Variants in SUPT3H observed in about 807,000 individuals in gnomAD.
The protein encoded by SUPT3H is SPT3 homolog, SAGA and STAGA complex component.
SUPT3H carries 44 observed loss-of-function variants against 44.3 expected under a neutral mutation model. The observed-to-expected ratio is 0.99, with a 90% CI of 0.78 to 1.28. The LOEUF (loss-of-function observed/expected upper bound fraction) is 1.28, where lower values mean the gene tolerates loss of function less well. SUPT3H is among the 50% of genes most tolerant of loss of function. The pLI is 0.00. For synonymous variants in SUPT3H, 124 were observed against 125.6 expected (o/e 0.99, Z 0.09); for missense variants, 380 against 387.1 (o/e 0.98, Z 0.15).
At chr6:45,022,256 C>T (rs894097948) in intron 3 of SUPT3H, among the ~76,000 whole-genome samples, 2 of 152,044 alleles carry the variant, frequency 1.3e-5, no homozygotes, top group African/African-American at 2.4e-5. Flanking sequence ...ATATGTATCC[C>T]TAAATAGTTT....
At chr6:45,276,122 G>A (rs1776970668) in intron 2 of SUPT3H, among the ~76,000 whole-genome samples, 1 of 151,796 alleles carries the variant, frequency 6.6e-6, no homozygotes, top group South Asian at 2.1e-4. Context: ...AAAATATTCT[G>A]CTATTTACTG....
At chr6:44,990,147 T>G (rs1243130161) in intron 6 of SUPT3H, among the ~76,000 whole-genome samples, 1 of 152,120 alleles carries the variant, frequency 6.6e-6, no homozygotes, top group African/African-American at 2.4e-5. Context: ...TCAATCCATC[T>G]GAGTTAATTA....
chr6:44,868,695 G>A (rs1775892191), intron 10 of SUPT3H, among the ~76,000 whole-genome samples: 1 of 152,114 alleles, frequency 6.6e-6, no homozygotes, highest in South Asian at 2.1e-4. Flanking sequence ...CCCCTCTTTG[G>A]AGCTCCTTAG....
At chr6:45,108,509 A>G (rs1457711714) in intron 2 of SUPT3H, among the ~76,000 whole-genome samples, 1 of 152,230 alleles carries the variant, frequency 6.6e-6, no homozygotes, top group Non-Finnish European at 1.5e-5. Context: ...TGACTAACAT[A>G]GCCAGGAAAG....
intron 2 of SUPT3H, among the ~76,000 whole-genome samples, chr6:45,363,134 C>T (rs192310815): frequency 1.3e-5 from 2 of 151,990 alleles, no homozygotes; most frequent in African/African-American, 2.4e-5. Flanking sequence ...CTTTACAGGC[C>T]ATATAGTCTC....
At chr6:45,288,756 G>C (rs1779812913) in intron 2 of SUPT3H, among the ~76,000 whole-genome samples, 1 of 151,464 alleles carries the variant, frequency 6.6e-6, no homozygotes, top group Non-Finnish European at 1.5e-5. Context: ...GTTTGATAAA[G>C]ACAAACCATT....
chr6:44,893,424 G>A (rs1763622134), intron 10 of SUPT3H, among the ~76,000 whole-genome samples: 1 of 145,592 alleles, frequency 6.9e-6, no homozygotes, highest in African/African-American at 2.6e-5. Flanking sequence ...TCCCCTTCCT[G>A]TGTCCATGTG....
At chr6:45,052,669 A>G (rs1790481873) in intron 3 of SUPT3H, among the ~76,000 whole-genome samples, 1 of 152,188 alleles carries the variant, frequency 6.6e-6, no homozygotes, top group African/African-American at 2.4e-5. Flanking sequence ...TTACCAACAG[A>G]CATTACCTTA....
chr6:45,361,639 G>T (rs12194628), intron 2 of SUPT3H: 1 of 152,104 alleles, frequency 6.6e-6, no homozygotes, highest in Admixed American at 6.5e-5. Flanking sequence ...GTTATTCAAA[G>T]GAGCTGTGAT....
intron 2 of SUPT3H, among the ~76,000 whole-genome samples, chr6:45,212,533 G>A (rs1434951734): frequency 8.0e-6 from 1 of 125,764 alleles, no homozygotes; most frequent in Non-Finnish European, 1.6e-5. Flanking sequence ...GTGTGTGTGT[G>A]TGTGTGTGTG....
At chr6:44,838,027 G>T (rs1239020391) in intron 10 of SUPT3H, among the ~76,000 whole-genome samples, 1 of 152,076 alleles carries the variant, frequency 6.6e-6, no homozygotes, top group East Asian at 1.9e-4. Flanking sequence ...TTTGCCAATG[G>T]TCAACACCAA....
chr6:44,942,490 C>A (rs957474895), intron 9 of SUPT3H, among the ~76,000 whole-genome samples: 1 of 152,088 alleles, frequency 6.6e-6, no homozygotes, highest in African/African-American at 2.4e-5. Flanking sequence ...AAACGAGATG[C>A]CAGAGTTCGC....
intron 2 of SUPT3H, among the ~76,000 whole-genome samples, chr6:45,343,641 C>T (rs563677700): frequency 2.0e-5 from 3 of 152,260 alleles, no homozygotes; most frequent in East Asian, 1.9e-4. Flanking sequence ...CATAACAGTA[C>T]GAACTAGCTA....
At chr6:45,123,049 A>G (rs1801899664) in intron 2 of SUPT3H, among the ~76,000 whole-genome samples, 1 of 152,186 alleles carries the variant, frequency 6.6e-6, no homozygotes, top group Non-Finnish European at 1.5e-5. Context: ...ATATAGTCCT[A>G]TTTTCTTTAT....
rs1191506216 is a variant in SUPT3H, at chr6:44,954,594, G to A, written c.594C>T (p.Ser198=). The A allele has an allele frequency of 3.7e-6, 6 of 1,612,230 alleles. No homozygotes were observed. The African/African-American group carries it at 8.0e-5, about 22-fold the overall frequency. Residue 198 remains serine (S), a synonymous_variant, in exon 8 of 11, where the codon TCC becomes TCT. Transcript: ENST00000371459. ...TGCAGTCCAACCAGTCTCGAAATTT[G>A]GAAGCTTTTTTGGCTGGCCATTTAA... ...SRQLSFSKKA[S]KFRDWLDCSS...
intron 5 of SUPT3H, among the ~76,000 whole-genome samples, chr6:45,005,285 GTTAA>G (rs1782551299): frequency 6.6e-6 from 1 of 152,072 alleles, no homozygotes. Flanking sequence ...AAGCCTTTCT[GTTAA>G]TTGTCTAGTT....
chr6:45,151,128 T>TATATATATATATAA lies in SUPT3H; in HGVS notation c.102-45123_102-45122insTTATATATATATAT, dbSNP rs1806906950. On this transcript the variant is annotated intron_variant, in intron 2 of 10. Coordinates refer to ENST00000371459, the MANE Select transcript of SUPT3H (RefSeq NM_003599.4). ...GATGTTTCATACATATTTCTCCAAC[T>TATATATATATATAA]ATAGCCTTTATGGCTATTTACAGGA... is the stretch of plus-strand genomic sequence containing the variant. Among the ~76,000 whole-genome samples, 5 of 152,190 alleles carry TATATATATATATAA rather than the reference T, an allele frequency of 3.3e-5. No homozygotes were observed. The East Asian group carries it at 9.6e-4, about 29-fold the overall frequency.
At chr6:45,022,356 C>T (rs867015223) in intron 3 of SUPT3H, among the ~76,000 whole-genome samples, 7 of 151,016 alleles carry the variant, frequency 4.6e-5, no homozygotes, top group Middle Eastern at 3.4e-3. Flanking sequence ...ACATATTAGC[C>T]AGGATAAGTA....
chr6:45,230,661 T>C (rs1304167), intron 2 of SUPT3H, among the ~76,000 whole-genome samples: 26,711 of 77,056 alleles, frequency 0.35, 7,381 homozygotes, highest in African/African-American at 0.48. Flanking sequence ...ATTCATTCAG[T>C]CTATATATAT....
Sources: allele counts gnomAD v4.1 joint callset (sites outside exome capture counted in the v4.1 genomes callset), GRCh38; gene constraint gnomAD v4.1.1; transcripts MANE v1.5; gene names NCBI Gene and HGNC (gene_info 2026-07-23, HGNC 2026-07-21).